The following ULK4 variants were observed in gnomAD, a reference collection of about 807,000 sequenced individuals.
ULK4 encodes unc-51 like kinase 4.
Under a neutral mutation model 160.6 loss-of-function variants are expected in ULK4, and 133 were observed. The ratio of observed to expected loss-of-function variants is 0.83; its 90% CI spans 0.72 to 0.96. The LOEUF (loss-of-function observed/expected upper bound fraction) is 0.96, where lower values mean the gene tolerates loss of function less well. ULK4 is among the 40% of genes least tolerant of loss of function. ULK4 has a pLI of 0.00. For synonymous variants in ULK4, 534 were observed against 539.8 expected (o/e 0.99, Z 0.15); for missense variants, 1,580 against 1,499.5 (o/e 1.05, Z -0.89).
chr3:41,649,746 T>C (rs2034663386), intron 30 of ULK4, among the ~76,000 whole-genome samples: 1 of 152,208 alleles, frequency 6.6e-6, no homozygotes. Flanking sequence ...CCACCATGGA[T>C]GGCATGTTGA....
At chr3:41,622,970 A>G (rs111852669) in intron 30 of ULK4, among the ~76,000 whole-genome samples, 1,970 of 152,314 alleles carry the variant, frequency 0.013, 32 homozygotes, top group African/African-American at 0.045. Context: ...GTGTGTTCCA[A>G]TAAAACTTTA....
intron 35 of ULK4, among the ~76,000 whole-genome samples, chr3:41,361,947 T>C (rs2081154475): frequency 6.6e-6 from 1 of 152,234 alleles, no homozygotes; most frequent in Non-Finnish European, 1.5e-5. Context: ...TAATATCATG[T>C]GGGTCACTGT....
chr3:41,517,037 A>G (rs186833279), intron 32 of ULK4, among the ~76,000 whole-genome samples: 199 of 152,278 alleles, frequency 1.3e-3, no homozygotes, highest in African/African-American at 4.0e-3. Flanking sequence ...AAGAAAACAA[A>G]CCATTCAATT....
At chr3:41,292,714 G>A (rs2079594673) in intron 35 of ULK4, among the ~76,000 whole-genome samples, 1 of 152,070 alleles carries the variant, frequency 6.6e-6, no homozygotes. Flanking sequence ...GGGAGGCCAA[G>A]GTGGATGGAT....
chr3:41,474,638 G>A (rs2084086009), intron 32 of ULK4, among the ~76,000 whole-genome samples: 1 of 151,588 alleles, frequency 6.6e-6, no homozygotes, highest in Non-Finnish European at 1.5e-5. Context: ...AAATATATAT[G>A]GAACTCAACA....
chr3:41,657,118 A>T (rs907172168), intron 30 of ULK4, among the ~76,000 whole-genome samples: 1 of 152,106 alleles, frequency 6.6e-6, no homozygotes, highest in Non-Finnish European at 1.5e-5. Context: ...AACTAGATCC[A>T]CCAGGGCAGT....
At chr3:41,847,789 G>A (rs9820192) in intron 17 of ULK4, among the ~76,000 whole-genome samples, 47,865 of 151,966 alleles carry the variant, frequency 0.31, 11,086 homozygotes, top group African/African-American at 0.66. Context: ...TGGATGCTGT[G>A]TATTTGATTA....
chr3:41,792,416 A>T (rs919717006), intron 20 of ULK4, among the ~76,000 whole-genome samples: 3 of 151,930 alleles, frequency 2.0e-5, no homozygotes, highest in Non-Finnish European at 4.4e-5. Flanking sequence ...ATTTTTTTTA[A>T]AAAAAAGATC....
intron 31 of ULK4, among the ~76,000 whole-genome samples, chr3:41,595,070 A>G (rs924288570): frequency 6.6e-6 from 1 of 152,232 alleles, no homozygotes; most frequent in African/African-American, 2.4e-5. Context: ...TATAAAGTCT[A>G]AGATATTTTT....
At chr3:41,454,654 G>A (rs891681161) in intron 34 of ULK4, among the ~76,000 whole-genome samples, 2 of 151,862 alleles carry the variant, frequency 1.3e-5, no homozygotes, top group African/African-American at 4.8e-5. Flanking sequence ...AGACTGGGAC[G>A]TTTTGTAGAC....
At chr3:41,248,959 G>A (rs532361504) in intron 36 of ULK4, among the ~76,000 whole-genome samples, 10 of 152,300 alleles carry the variant, frequency 6.6e-5, no homozygotes, top group African/African-American at 2.4e-4. Context: ...GTCAGCTTCC[G>A]GGTGTCAAAT....
At chr3:41,684,455 A>G (rs1223806276) in intron 27 of ULK4, among the ~76,000 whole-genome samples, 10 of 152,178 alleles carry the variant, frequency 6.6e-5, no homozygotes, top group Non-Finnish European at 8.8e-5. Flanking sequence ...GCTTGACCTT[A>G]TGACCATGGT....
chr3:41,388,965 T>C (rs199643309), intron 35 of ULK4, among the ~76,000 whole-genome samples: 408 of 150,914 alleles, frequency 2.7e-3, no homozygotes, highest in East Asian at 6.9e-3. Context: ...TTACCTTGGG[T>C]ATTATGGCCA....
chr3:41,832,903 T>TG (rs2041638695), intron 18 of ULK4, among the ~76,000 whole-genome samples: 1 of 152,224 alleles, frequency 6.6e-6, no homozygotes, highest in Admixed American at 6.5e-5. Context: ...ATGTCTGTTT[T>TG]GTACCAGTAC....
intron 30 of ULK4, among the ~76,000 whole-genome samples, chr3:41,657,302 A>G (rs532431369): frequency 6.6e-6 from 1 of 152,344 alleles, no homozygotes; most frequent in Non-Finnish European, 1.5e-5. Context: ...ATAATGCTCC[A>G]CTTAACATAG....
chr3:41,446,922 A>G (rs558094956), intron 34 of ULK4, among the ~76,000 whole-genome samples: 1 of 151,258 alleles, frequency 6.6e-6, no homozygotes, highest in South Asian at 2.1e-4. Flanking sequence ...ATAAAAACGT[A>G]CCAAAAAAAA....
intron 34 of ULK4, among the ~76,000 whole-genome samples, chr3:41,439,240 T>C (rs1056865459): frequency 6.6e-6 from 1 of 152,182 alleles, no homozygotes; most frequent in Non-Finnish European, 1.5e-5. Flanking sequence ...TACCAAATAA[T>C]AGCTTGAGAT....
chr3:41,266,748 G>A (rs2079041550), intron 35 of ULK4, among the ~76,000 whole-genome samples: 1 of 152,060 alleles, frequency 6.6e-6, no homozygotes, highest in Non-Finnish European at 1.5e-5. Flanking sequence ...AATAAAGGCA[G>A]GAAAATAAAT....
intron 17 of ULK4, among the ~76,000 whole-genome samples, chr3:41,851,272 A>C (rs1326149194): frequency 6.6e-6 from 1 of 152,102 alleles, no homozygotes; most frequent in Non-Finnish European, 1.5e-5. Context: ...ATTTATTGAG[A>C]GTTTTTAGCA....
Sources: gnomAD v4.1 joint callset for allele counts (sites outside exome capture counted in the v4.1 genomes callset) on GRCh38, gnomAD v4.1.1 for gene constraint, MANE v1.5 for transcripts, NCBI Gene and HGNC (gene_info 2026-07-23, HGNC 2026-07-21) for gene names.